Variants in ERC2 observed in about 807,000 individuals in gnomAD.
ERC2 encodes ELKS/RAB6-interacting/CAST family member 2, also known as ERC protein 2.
A neutral mutation model predicts 114.8 loss-of-function variants in ERC2; 42 were observed. The observed-to-expected ratio is 0.37, with a 90% CI of 0.29 to 0.47. The LOEUF (loss-of-function observed/expected upper bound fraction) is 0.47. Ranked by LOEUF, ERC2 falls within the 20% of genes least tolerant of loss-of-function variation. ERC2 has a pLI of 0.99. For missense variants in ERC2, 939 were observed against 1,150.7 expected, an observed-to-expected ratio of 0.82 and a Z score of 2.66; for synonymous variants, 454 against 425.5, an observed-to-expected ratio of 1.07 and a Z score of -0.82.
At chr3:55,689,809 AG>A (rs139395294) in intron 16 of ERC2, among the ~76,000 whole-genome samples, 1 of 151,634 alleles carries the variant, frequency 6.6e-6, no homozygotes, top group Non-Finnish European at 1.5e-5. Flanking sequence ...AAAAAAAAAA[AG>A]AAAAAAAAAA....
At chr3:55,621,488 CT>C (rs903406574) in intron 17 of ERC2, among the ~76,000 whole-genome samples, 7 of 152,326 alleles carry the variant, frequency 4.6e-5, no homozygotes, top group African/African-American at 1.7e-4. Context: ...TACTGTTCCC[CT>C]CCTGCCGTTT....
chr3:55,884,456 CT>C (rs941612514), intron 14 of ERC2, among the ~76,000 whole-genome samples: 1 of 152,074 alleles, frequency 6.6e-6, no homozygotes, highest in Non-Finnish European at 1.5e-5. Flanking sequence ...TATACTGCCT[CT>C]TTTTTTTCCC....
At chr3:56,243,859 G>A (rs2051493073) in intron 3 of ERC2, among the ~76,000 whole-genome samples, 1 of 152,066 alleles carries the variant, frequency 6.6e-6, no homozygotes, top group Non-Finnish European at 1.5e-5. Flanking sequence ...GTTCCCTTTA[G>A]AGGCAGAAAA....
At chr3:56,158,087 G>A (rs961172978) in intron 4 of ERC2, among the ~76,000 whole-genome samples, 7 of 152,156 alleles carry the variant, frequency 4.6e-5, no homozygotes, top group African/African-American at 1.4e-4. Context: ...TTGCAAGAAT[G>A]TCATGTCAAT....
intron 16 of ERC2, among the ~76,000 whole-genome samples, chr3:55,687,397 A>G (rs763863790): frequency 9.9e-5 from 15 of 150,956 alleles, no homozygotes; most frequent in Non-Finnish European, 1.9e-4. Context: ...TTTTTAAAAC[A>G]CCTGAAATTC....
Position 56,345,299 on chromosome 3 carries a change from C to T in ERC2, c.658-48864G>A, listed in dbSNP as rs146740929. ...CAGCTTTTATTGACCATCTACTCTC[C>T]GCCAGGCCCTGGAGACACAACACTA... is the stretch of plus-strand genomic sequence containing the variant. On this transcript the variant is annotated intron_variant, in intron 2 of 17. Coordinates refer to ENST00000288221, the MANE Select transcript of ERC2 (RefSeq NM_015576.3). 5.0e-3 allele frequency among the ~76,000 whole-genome samples: 755 copies of T among 152,260 alleles called. 4 individuals are homozygous for T. The highest frequency in any genetic ancestry group is 7.7e-3 in the Non-Finnish European group (524 of 68,010).
intron 3 of ERC2, among the ~76,000 whole-genome samples, chr3:56,270,818 A>C (rs760300895): frequency 2.4e-4 from 37 of 152,262 alleles, no homozygotes; most frequent in Non-Finnish European, 4.7e-4. Context: ...TCTCTACTAA[A>C]AATACAAAAA....
intron 14 of ERC2, among the ~76,000 whole-genome samples, chr3:55,828,499 C>CAGGGGCAGCAGGGGCAGCAGGCAGT (rs2060429958): frequency 1.3e-5 from 2 of 152,042 alleles, no homozygotes; most frequent in African/African-American, 4.8e-5. Context: ...GCAGGGGCAG[C>CAGGGGCAGCAGGGGCAGCAGGCAGT]AGGCAGTTAA....
intron 17 of ERC2, among the ~76,000 whole-genome samples, chr3:55,524,584 G>A (rs1041091158): frequency 6.6e-6 from 1 of 151,218 alleles, no homozygotes; most frequent in Non-Finnish European, 1.5e-5. Flanking sequence ...ACCTGGACAG[G>A]AAGACTTGGG....
At chr3:55,897,008 C>T (rs1257722800) in intron 13 of ERC2, among the ~76,000 whole-genome samples, 1 of 152,224 alleles carries the variant, frequency 6.6e-6, no homozygotes, top group Admixed American at 6.5e-5. Flanking sequence ...ATGAAGTCAT[C>T]ACCTGGCTTT....
At chr3:56,137,506 C>A (rs1477660384) in intron 6 of ERC2, among the ~76,000 whole-genome samples, 1 of 152,194 alleles carries the variant, frequency 6.6e-6, no homozygotes, top group Non-Finnish European at 1.5e-5. Flanking sequence ...AATTGGCAAA[C>A]TTTCTGTAAA....
chr3:55,518,247 T>G (rs1232043090), intron 17 of ERC2, among the ~76,000 whole-genome samples: 4 of 152,228 alleles, frequency 2.6e-5, no homozygotes, highest in Non-Finnish European at 5.9e-5. Context: ...AGTGATATGT[T>G]GGTAGATATG....
chr3:56,202,228 G>T (rs1413554286), intron 3 of ERC2, among the ~76,000 whole-genome samples: 1 of 152,116 alleles, frequency 6.6e-6, no homozygotes, highest in Non-Finnish European at 1.5e-5. Context: ...CCTTATCCAT[G>T]AATTGCAGTG....
intron 13 of ERC2, among the ~76,000 whole-genome samples, chr3:55,942,439 C>T (rs906683150): frequency 1.9e-4 from 29 of 149,726 alleles, no homozygotes; most frequent in African/African-American, 7.0e-4. Flanking sequence ...CAGGCGCCCG[C>T]CACTACGCCC....
chr3:56,133,799 T>C (rs537609873), intron 6 of ERC2, among the ~76,000 whole-genome samples: 1 of 152,338 alleles, frequency 6.6e-6, no homozygotes, highest in Non-Finnish European at 1.5e-5. Flanking sequence ...CTATCAGCTC[T>C]TGAAATTACG....
chr3:55,768,564 T>C (rs1242589812), intron 14 of ERC2, among the ~76,000 whole-genome samples: 2 of 152,130 alleles, frequency 1.3e-5, no homozygotes, highest in Non-Finnish European at 2.9e-5. Flanking sequence ...GGGGAGAGGG[T>C]ATACTTTAGC....
chr3:55,551,633 A>C (rs1010311733), intron 17 of ERC2, among the ~76,000 whole-genome samples: 2 of 152,210 alleles, frequency 1.3e-5, no homozygotes, highest in African/African-American at 4.8e-5. Flanking sequence ...AGACCCAGGG[A>C]AACATTTAAA....
chr3:56,160,532 T>C (rs1326984976), intron 4 of ERC2, among the ~76,000 whole-genome samples: 2 of 152,200 alleles, frequency 1.3e-5, no homozygotes, highest in Non-Finnish European at 2.9e-5. Context: ...TCTGAGGACT[T>C]AGTCATAAAT....
rs200130706 is a variant in ERC2 at position 55,873,221 on chromosome 3, A to AG, written c.2564+15167dup. Among the ~76,000 whole-genome samples the AG allele has an allele frequency of 7.7e-3, 1,168 of 152,292 alleles. 16 individuals carry two copies. Among genetic ancestry groups the AG allele is most frequent in the African/African-American group, 0.027 (1,125 of 41,570 alleles). On this transcript the variant is annotated intron_variant, in intron 14 of 17. Coordinates refer to ENST00000288221, the MANE Select transcript of ERC2 (RefSeq NM_015576.3). ...GAGTGGGCAGGAAGAAAGGAAAAAG[A>AG]GGGTCATGCTTCTAGTGTGCCCACA...
Sources: allele counts gnomAD v4.1 joint callset (sites outside exome capture counted in the v4.1 genomes callset), GRCh38; gene constraint gnomAD v4.1.1; transcripts MANE v1.5; gene names NCBI Gene and HGNC (gene_info 2026-07-23, HGNC 2026-07-21).